Variants in LUZP2 observed in about 807,000 individuals in gnomAD.
LUZP2 encodes leucine zipper protein 2.
A neutral mutation model predicts 51.6 loss-of-function variants in LUZP2; 52 were observed. The observed-to-expected ratio is 1.01, with a 90% CI of 0.81 to 1.27. The LOEUF is 1.27. Among genes scored for constraint, LUZP2 ranks in the 50% most tolerant of loss-of-function variants. The pLI, the probability that LUZP2 is intolerant of heterozygous loss-of-function variation, is 0.00. For missense variants in LUZP2, 436 were observed against 395.4 expected, an observed-to-expected ratio of 1.10 and a Z score of -0.87; for synonymous variants, 154 against 137.3, an observed-to-expected ratio of 1.12 and a Z score of -0.85.
intron 5 of LUZP2, among the ~76,000 whole-genome samples, chr11:24,799,868 G>C (rs1407410913): frequency 6.6e-6 from 1 of 152,098 alleles, no homozygotes; most frequent in East Asian, 1.9e-4. Flanking sequence ...CTATCAGAAA[G>C]AATTAATCAC....
intron 1 of LUZP2, among the ~76,000 whole-genome samples, chr11:24,537,976 CTAAT>C (rs1293880556): frequency 6.6e-6 from 1 of 151,270 alleles, no homozygotes; most frequent in African/African-American, 2.4e-5. Context: ...TTTCTTAAGA[CTAAT>C]TACTTATAAT....
At chr11:25,075,472 T>C (rs1319541806) in intron 10 of LUZP2, among the ~76,000 whole-genome samples, 1 of 152,216 alleles carries the variant, frequency 6.6e-6, no homozygotes, top group East Asian at 1.9e-4. Context: ...AGAGATTATA[T>C]ATCGACCACT....
At chr11:24,828,343 A>C (rs1330788028) in intron 5 of LUZP2, among the ~76,000 whole-genome samples, 2 of 152,140 alleles carry the variant, frequency 1.3e-5, no homozygotes, top group African/African-American at 2.4e-5. Context: ...AGCAACTTAG[A>C]GCCTACTTTA....
chr11:24,560,619 C>T (rs1236262961), intron 1 of LUZP2, among the ~76,000 whole-genome samples: 2 of 152,072 alleles, frequency 1.3e-5, no homozygotes, highest in African/African-American at 4.8e-5. Context: ...TGCCCCATCC[C>T]CAAAGACTCT....
rs75414691 is a variant in LUZP2, at chr11:24,995,071, A to C, written c.765+11778A>C. Among the ~76,000 whole-genome samples, 1,219 of 152,276 alleles carry C rather than the reference A, an allele frequency of 8.0e-3. 35 individuals carry two copies. The East Asian group carries it at 0.099, about 12-fold the overall frequency. On this transcript the variant is annotated intron_variant, in intron 9 of 11. Transcript: ENST00000336930. ...GTATAACTGTTATAACCACAAAATAAATTGATATAGGTTTTGCTTTTAAAA... is the reference window on the plus strand; with the variant it reads ...GTATAACTGTTATAACCACAAAATACATTGATATAGGTTTTGCTTTTAAAA...
At chr11:24,856,403 G>A (rs1851567049) in intron 5 of LUZP2, among the ~76,000 whole-genome samples, 1 of 152,076 alleles carries the variant, frequency 6.6e-6, no homozygotes, top group African/African-American at 2.4e-5. Flanking sequence ...ATGCCAGTCA[G>A]AATGGCTATT....
At chr11:24,503,028 T>C (rs1850047799) in intron 1 of LUZP2, among the ~76,000 whole-genome samples, 1 of 150,438 alleles carries the variant, frequency 6.6e-6, no homozygotes, top group Non-Finnish European at 1.5e-5. Flanking sequence ...AGTATTGACA[T>C]TTTTTTTTAC....
chr11:24,773,500 A>G (rs1002922040), intron 5 of LUZP2, among the ~76,000 whole-genome samples: 15 of 152,132 alleles, frequency 9.9e-5, no homozygotes, highest in African/African-American at 3.1e-4. Flanking sequence ...AAAAATAATC[A>G]TAACAGTGTT....
intron 1 of LUZP2, among the ~76,000 whole-genome samples, chr11:24,697,971 G>A (rs558509567): frequency 5.9e-5 from 9 of 152,116 alleles, no homozygotes; most frequent in East Asian, 5.8e-4. Flanking sequence ...CACAAAGACC[G>A]TTCTGATGTT....
intron 1 of LUZP2, among the ~76,000 whole-genome samples, chr11:24,691,462 T>G (rs1393183430): frequency 6.7e-6 from 1 of 149,514 alleles, no homozygotes; most frequent in Non-Finnish European, 1.5e-5. Flanking sequence ...ATACCCATTT[T>G]TCCCTCATAT....
chr11:24,502,378 TTTTG>T (rs34008180), intron 1 of LUZP2, among the ~76,000 whole-genome samples: 9,939 of 150,930 alleles, frequency 0.066, 347 homozygotes, highest in Middle Eastern at 0.11. Flanking sequence ...TTCCAAAGTA[TTTTG>T]TTTGTTTGTT....
chr11:24,775,052 C>T (rs2134061643), intron 5 of LUZP2, among the ~76,000 whole-genome samples: 1 of 151,686 alleles, frequency 6.6e-6, no homozygotes, highest in South Asian at 2.1e-4. Context: ...TCTAAAATTG[C>T]TCAAAACTAC....
chr11:24,602,387 TACACACACACACAC>T (rs71041785), intron 1 of LUZP2, among the ~76,000 whole-genome samples: 2 of 129,516 alleles, frequency 1.5e-5, no homozygotes, highest in African/African-American at 2.9e-5. Context: ...TATATATATA[TACACACACACACAC>T]ACACACACAC....
At chr11:25,031,293 A>T (rs1857679014) in intron 9 of LUZP2, among the ~76,000 whole-genome samples, 1 of 151,816 alleles carries the variant, frequency 6.6e-6, no homozygotes, top group Non-Finnish European at 1.5e-5. Flanking sequence ...TACAGGCGTG[A>T]GCCACCATGC....
At chr11:25,076,647 A>AAGGAAGGGAGGG (rs1190293203) in intron 10 of LUZP2, among the ~76,000 whole-genome samples, 4 of 132,552 alleles carry the variant, frequency 3.0e-5, no homozygotes, top group Non-Finnish European at 3.2e-5. Flanking sequence ...AAAAAGAGGG[A>AAGGAAGGGAGGG]AGGAAGGGAG....
chr11:24,829,629 G>A (rs1406125608), intron 5 of LUZP2, among the ~76,000 whole-genome samples: 1 of 152,102 alleles, frequency 6.6e-6, no homozygotes, highest in Non-Finnish European at 1.5e-5. Flanking sequence ...GCTGTGATAA[G>A]GGTGTTGGAA....
chr11:24,837,313 G>A (rs1211416817), intron 5 of LUZP2, among the ~76,000 whole-genome samples: 5 of 151,700 alleles, frequency 3.3e-5, no homozygotes, highest in Non-Finnish European at 7.4e-5. Context: ...ATTTGGACAA[G>A]AGGTAGTTAC....
chr11:24,889,444 T>C (rs1052109723), intron 5 of LUZP2, among the ~76,000 whole-genome samples: 5 of 152,220 alleles, frequency 3.3e-5, no homozygotes, highest in African/African-American at 1.2e-4. Flanking sequence ...TATTCTCAGA[T>C]AAACTATGTG....
At chr11:24,513,318 T>G (rs549070091) in intron 1 of LUZP2, among the ~76,000 whole-genome samples, 1 of 152,184 alleles carries the variant, frequency 6.6e-6, no homozygotes. Flanking sequence ...TAAAAACATC[T>G]ATATTTGAAA....
Sources: gnomAD v4.1 joint callset for allele counts (sites outside exome capture counted in the v4.1 genomes callset) on GRCh38, gnomAD v4.1.1 for gene constraint, MANE v1.5 for transcripts, NCBI Gene and HGNC (gene_info 2026-07-23, HGNC 2026-07-21) for gene names.